Variants in CCSER1 observed in about 807,000 individuals in gnomAD.
The protein encoded by CCSER1 is serine-rich coiled-coil domain-containing protein 1.
In CCSER1, 41 loss-of-function variants were observed where a neutral mutation model predicts 82.0. The ratio of observed to expected loss-of-function variants is 0.50; its 90% CI spans 0.39 to 0.65. The LOEUF is 0.65. Ranked by LOEUF, CCSER1 falls within the 30% of genes least tolerant of loss-of-function variation. CCSER1 has a pLI of 0.00. For missense variants in CCSER1, 1,119 were observed against 1,064.2 expected (o/e 1.05, Z -0.72); for synonymous variants, 414 against 383.9 (o/e 1.08, Z -0.92).
chr4:91,134,340 G>A (rs1470866075), intron 10 of CCSER1, among the ~76,000 whole-genome samples: 2 of 151,554 alleles, frequency 1.3e-5, no homozygotes, highest in African/African-American at 4.8e-5. Context: ...AGGTTACAGT[G>A]AGCTTTGATC....
intron 1 of CCSER1, among the ~76,000 whole-genome samples, chr4:90,299,446 T>G (rs188623463): frequency 1.3e-5 from 2 of 152,274 alleles, no homozygotes; most frequent in Admixed American, 1.3e-4. Context: ...TTTAATAAAT[T>G]GTTAATTAAA....
chr4:90,216,153 A>G (rs1007168546), intron 1 of CCSER1, among the ~76,000 whole-genome samples: 1 of 152,188 alleles, frequency 6.6e-6, no homozygotes, highest in African/African-American at 2.4e-5. Flanking sequence ...CACCGTCTGC[A>G]TCACCTGGAA....
At chr4:90,789,017 C>T (rs1754893591) in intron 7 of CCSER1, among the ~76,000 whole-genome samples, 1 of 152,096 alleles carries the variant, frequency 6.6e-6, no homozygotes, top group African/African-American at 2.4e-5. Flanking sequence ...TACACACACA[C>T]ACACACACAC....
At chr4:90,491,335 A>G (rs1441207539) in intron 5 of CCSER1, among the ~76,000 whole-genome samples, 1 of 152,174 alleles carries the variant, frequency 6.6e-6, no homozygotes, top group African/African-American at 2.4e-5. Flanking sequence ...CTATTGGTGT[A>G]TAAGAATGCT....
chr4:91,175,625 T>G (rs1447000020), intron 10 of CCSER1, among the ~76,000 whole-genome samples: 6 of 152,224 alleles, frequency 3.9e-5, no homozygotes, highest in East Asian at 1.9e-4. Flanking sequence ...TGTCTTCTTT[T>G]GAGAAGTGTC....
At chr4:91,252,692 C>A (rs1410950620) in intron 10 of CCSER1, among the ~76,000 whole-genome samples, 1 of 151,950 alleles carries the variant, frequency 6.6e-6, no homozygotes, top group Non-Finnish European at 1.5e-5. Flanking sequence ...GTGAATGTAG[C>A]TGAAAAGAAG....
At chr4:91,051,556 A>G (rs907573721) in intron 9 of CCSER1, among the ~76,000 whole-genome samples, 1 of 152,144 alleles carries the variant, frequency 6.6e-6, no homozygotes, top group Non-Finnish European at 1.5e-5. Context: ...AGATTTATGT[A>G]CAGTTATTTA....
At chr4:91,363,214 T>C (rs1215908965) in intron 10 of CCSER1, among the ~76,000 whole-genome samples, 2 of 151,842 alleles carry the variant, frequency 1.3e-5, no homozygotes, top group East Asian at 3.8e-4. Context: ...TCTAGCGTAA[T>C]GCTTTTGAGT....
Position 90,847,958 on chromosome 4 carries a change from A to G in CCSER1, c.2094+32113A>G, listed in dbSNP as rs77231074. The stretch of plus-strand genomic sequence containing the variant: ...TGTAAGCATACATATCCTAACATAT[A>G]TATTTGTTTTTCAAACTTAGTATGT... On this transcript the variant is annotated intron_variant, in intron 8 of 10. Coordinates refer to ENST00000509176, the MANE Select transcript of CCSER1 (RefSeq NM_001145065.2). 1.7e-3 allele frequency among the ~76,000 whole-genome samples: 256 copies of G among 152,242 alleles called. 1 individual carries two copies. The highest frequency in any genetic ancestry group is 5.9e-3 in the African/African-American group (247 of 41,578).
chr4:90,888,691 T>G (rs912537729), intron 8 of CCSER1, among the ~76,000 whole-genome samples: 10 of 152,288 alleles, frequency 6.6e-5, no homozygotes, highest in South Asian at 2.1e-4. Flanking sequence ...AGTTAAGTCC[T>G]TTGAAAGTGG....
At chr4:91,549,970 T>C (rs1324005734) in intron 10 of CCSER1, among the ~76,000 whole-genome samples, 5 of 152,122 alleles carry the variant, frequency 3.3e-5, no homozygotes, top group African/African-American at 1.2e-4. Context: ...CAAGATAGTA[T>C]GTGTTGGAGT....
chr4:90,873,436 C>T (rs765497929), intron 8 of CCSER1, among the ~76,000 whole-genome samples: 4 of 152,028 alleles, frequency 2.6e-5, no homozygotes, highest in Admixed American at 6.6e-5. Flanking sequence ...GTTCCTGTTG[C>T]GGGAACCATC....
At chr4:91,106,964 C>A (rs1288767569) in intron 10 of CCSER1, among the ~76,000 whole-genome samples, 1 of 152,162 alleles carries the variant, frequency 6.6e-6, no homozygotes, top group Non-Finnish European at 1.5e-5. Context: ...GCATAGATGA[C>A]AGTGGTTTCA....
At chr4:90,703,463 G>A (rs999877224) in intron 6 of CCSER1, among the ~76,000 whole-genome samples, 3 of 152,184 alleles carry the variant, frequency 2.0e-5, no homozygotes, top group Non-Finnish European at 4.4e-5. Context: ...ATTTGGGGTG[G>A]AGAGTTCTGT....
chr4:90,599,161 T>A (rs1783739385), intron 5 of CCSER1, among the ~76,000 whole-genome samples: 1 of 152,042 alleles, frequency 6.6e-6, no homozygotes, highest in Non-Finnish European at 1.5e-5. Context: ...ATTGCAGGTA[T>A]CCGTGGTGGT....
intron 8 of CCSER1, among the ~76,000 whole-genome samples, chr4:90,871,666 A>G (rs1766514966): frequency 6.6e-6 from 1 of 151,884 alleles, no homozygotes; most frequent in Non-Finnish European, 1.5e-5. Context: ...TTCTGTGAAC[A>G]TCTATTAGGC....
In CCSER1 at chr4:91,101,056, G is replaced by A. The variant is rs573359048; in HGVS notation, c.2217+15062G>A. On this transcript the variant is annotated intron_variant, in intron 10 of 10. Transcript: ENST00000509176. ...AGGAAAAAAAAGAGAGAAAGGAAGG[G>A]AAACAAGTGAGGGGGAGCCAGCTTC... Among the ~76,000 whole-genome samples, 163 of 152,292 alleles carry A rather than the reference G, an allele frequency of 1.1e-3. 2 individuals carry two copies. Among genetic ancestry groups the A allele is most frequent in the African/African-American group, 3.7e-3 (155 of 41,566 alleles).
intron 4 of CCSER1, among the ~76,000 whole-genome samples, chr4:90,434,843 T>G (rs181147194): frequency 6.6e-6 from 1 of 152,272 alleles, no homozygotes; most frequent in East Asian, 1.9e-4. Flanking sequence ...AAGGCATTCA[T>G]AAAATTTTAG....
chr4:91,262,395 A>C (rs1436003754), intron 10 of CCSER1, among the ~76,000 whole-genome samples: 2 of 152,040 alleles, frequency 1.3e-5, no homozygotes, highest in Non-Finnish European at 2.9e-5. Flanking sequence ...ATAGGCACTC[A>C]AGGTATGTGG....
Sources: allele counts gnomAD v4.1 joint callset (sites outside exome capture counted in the v4.1 genomes callset), GRCh38; gene constraint gnomAD v4.1.1; transcripts MANE v1.5; gene names NCBI Gene and HGNC (gene_info 2026-07-23, HGNC 2026-07-21).